NEK5: variants seen among roughly 807,000 people sequenced by gnomAD.
NEK5 encodes NIMA related kinase 5.
Under a neutral mutation model 109.2 loss-of-function variants are expected in NEK5, and 88 were observed. The observed-to-expected ratio is 0.81, with a 90% confidence interval of 0.68 to 0.96. NEK5 has a LOEUF of 0.96. Ranked by LOEUF, NEK5 falls within the 40% of genes least tolerant of loss-of-function variation. The pLI is 0.00. For synonymous variants in NEK5, 283 were observed against 299.9 expected, an observed-to-expected ratio of 0.94 and a Z score of 0.58; for missense variants, 834 against 920.7, an observed-to-expected ratio of 0.91 and a Z score of 1.22.
chr13:52,104,842 G>A (rs1955619952), intron 8 of NEK5, among the ~76,000 whole-genome samples: 1 of 152,184 alleles, frequency 6.6e-6, no homozygotes, highest in Non-Finnish European at 1.5e-5. Flanking sequence ...TATGTATGAT[G>A]AAATGTTGAG....
At chr13:52,061,685 C>A (rs1343623181) in intron 22 of NEK5, 134 bp downstream of exon 22, 1 of 187,274 alleles carries the variant, frequency 5.3e-6, no homozygotes, top group African/African-American at 2.4e-5. Context: ...CAAAGCAAAT[C>A]AGCTTCTGAA....
intron 23 of NEK5, among the ~76,000 whole-genome samples, chr13:52,047,064 T>C (rs1369635062): frequency 6.6e-6 from 1 of 151,236 alleles, no homozygotes; most frequent in African/African-American, 2.5e-5. Context: ...ATTTAACCTA[T>C]CAATTATGCA....
intron 23 of NEK5, among the ~76,000 whole-genome samples, chr13:52,038,114 C>A (rs1954379948): frequency 6.6e-6 from 1 of 152,178 alleles, no homozygotes; most frequent in Admixed American, 6.5e-5. Flanking sequence ...AGTATGAGGT[C>A]AGGAGTTTGA....
intron 23 of NEK5, among the ~76,000 whole-genome samples, chr13:52,047,926 A>T (rs1212334641): frequency 6.6e-6 from 1 of 152,210 alleles, no homozygotes; most frequent in African/African-American, 2.4e-5. Context: ...AGTTTAGTAA[A>T]GTTACAGGAT....
At chr13:52,040,364 C>T (rs1954403280) in intron 23 of NEK5, among the ~76,000 whole-genome samples, 3 of 152,168 alleles carry the variant, frequency 2.0e-5, no homozygotes, top group East Asian at 1.9e-4. Context: ...GGATTACAGG[C>T]GTGAGCCACT....
intron 16 of NEK5, 118 bp downstream of exon 16, chr13:52,086,159 A>G: frequency 1.4e-6 from 1 of 739,388 alleles, no homozygotes; most frequent in Admixed American, 2.5e-5. Context: ...AGTCTACATG[A>G]TTATCTCTAT....
intron 3 of NEK5, among the ~76,000 whole-genome samples, chr13:52,125,764 C>T (rs566454841): frequency 3.4e-4 from 52 of 151,816 alleles, no homozygotes; most frequent in African/African-American, 1.2e-3. Context: ...ATACACAGGG[C>T]GAAGACAGAG....
intron 11 of NEK5, 84 bp downstream of exon 11, chr13:52,101,849 T>C: frequency 1.8e-6 from 2 of 1,106,010 alleles, no homozygotes; most frequent in South Asian, 2.5e-5. Flanking sequence ...ACTTTCAATA[T>C]GTTTGGTGAA....
intron 12 of NEK5, among the ~76,000 whole-genome samples, chr13:52,095,212 G>C (rs1375339642): frequency 3.3e-5 from 5 of 152,134 alleles, no homozygotes; most frequent in Admixed American, 3.3e-4. Flanking sequence ...TTGGATTATA[G>C]GCGTGAGCCA....
chr13:52,086,963 A>G (rs1955156433), intron 15 of NEK5, among the ~76,000 whole-genome samples: 1 of 152,206 alleles, frequency 6.6e-6, no homozygotes, highest in Middle Eastern at 3.2e-3. Flanking sequence ...CAGGTTTCAG[A>G]GGGCACTTGG....
At chr13:52,109,495 A>G (rs1242326035) in intron 7 of NEK5, among the ~76,000 whole-genome samples, 2 of 152,120 alleles carry the variant, frequency 1.3e-5, no homozygotes, top group Non-Finnish European at 2.9e-5. Context: ...TAGTCCTGCA[A>G]AGGTATCTCT....
rs1385925101 is a variant in NEK5, at chr13:52,127,581, G to A, written c.-23+14C>T. 1 of 719,722 alleles carries A rather than the reference G, an allele frequency of 1.4e-6. No homozygotes were observed. Among genetic ancestry groups the A allele is most frequent in the South Asian group, 1.7e-5 (1 of 60,240 alleles). The allele number at this position is 719,722 out of a possible 1,614,324, so 44.6% of individuals were successfully genotyped here. On this transcript the variant is annotated intron_variant, in intron 2 of 23. Coordinates refer to ENST00000684899, the MANE Select transcript of NEK5 (RefSeq NM_001365552.1). ...AAGTCAGAAAACTGATGACTAAAGT[G>A]TAAAAGAACTCACTTAGCTAAAACT...
At chr13:52,096,117 A>G (rs1476189622) in intron 12 of NEK5, among the ~76,000 whole-genome samples, 1 of 152,138 alleles carries the variant, frequency 6.6e-6, no homozygotes, top group Non-Finnish European at 1.5e-5. Context: ...CTCCCCAGCC[A>G]TACTTCCTGT....
intron 13 of NEK5, among the ~76,000 whole-genome samples, chr13:52,092,200 AATCT>A (rs1220159805): frequency 6.6e-6 from 1 of 151,460 alleles, no homozygotes; most frequent in Non-Finnish European, 1.5e-5. Context: ...CAATTGTAAT[AATCT>A]ATCAACACAT....
rs1954995658 is a variant in NEK5, at chr13:52,080,847, T to C, written c.1572+2413A>G. 2.0e-5 allele frequency among the ~76,000 whole-genome samples: 3 copies of C among 149,124 alleles called. No individual in the cohort carries two copies. The South Asian group carries it at 6.3e-4, about 32-fold the overall frequency. Reference sequence around the variant, plus strand: ...TCCCTCCACTGTTGTCCTATGACCCTGCCAAATACCCCTCTGCGAGAAACA... The same window carrying C: ...TCCCTCCACTGTTGTCCTATGACCCCGCCAAATACCCCTCTGCGAGAAACA... On this transcript the variant is annotated intron_variant, in intron 17 of 23. Coordinates refer to ENST00000684899, the MANE Select transcript of NEK5 (RefSeq NM_001365552.1).
intron 3 of NEK5, among the ~76,000 whole-genome samples, chr13:52,125,177 T>C (rs1956040999): frequency 6.6e-6 from 1 of 152,212 alleles, no homozygotes; most frequent in Admixed American, 6.5e-5. Context: ...ATCGTCATCC[T>C]AAATTCTTGA....
intron 3 of NEK5, among the ~76,000 whole-genome samples, chr13:52,120,122 C>T (rs1411345137): frequency 2.6e-5 from 4 of 152,128 alleles, no homozygotes; most frequent in African/African-American, 9.7e-5. Context: ...TAGAGGTCTT[C>T]AACATTGGCC....
intron 22 of NEK5, among the ~76,000 whole-genome samples, chr13:52,056,010 A>G (rs1954551447): frequency 1.3e-5 from 2 of 152,282 alleles, no homozygotes; most frequent in African/African-American, 4.8e-5. Flanking sequence ...GGCAAATTGG[A>G]TAAAGAGTCA....
At chr13:52,114,623 T>C (rs1955817061) in intron 4 of NEK5, among the ~76,000 whole-genome samples, 1 of 152,224 alleles carries the variant, frequency 6.6e-6, no homozygotes, top group Non-Finnish European at 1.5e-5. Context: ...CGAAGTCTAG[T>C]TGGGGAGTCC....
Sources: allele counts gnomAD v4.1 joint callset (sites outside exome capture counted in the v4.1 genomes callset), GRCh38; gene constraint gnomAD v4.1.1; transcripts MANE v1.5; gene names NCBI Gene and HGNC (gene_info 2026-07-23, HGNC 2026-07-21).